Variants in CPNE9 observed in about 807,000 individuals in gnomAD.
CPNE9 encodes the protein copine-9.
In CPNE9, 59 loss-of-function variants were observed where a neutral mutation model predicts 83.0. That is an observed-to-expected ratio of 0.71 (90% CI 0.58 to 0.88). The LOEUF (loss-of-function observed/expected upper bound fraction) is 0.88. CPNE9 is among the 40% of genes least tolerant of loss of function. The pLI, the probability that CPNE9 is intolerant of heterozygous loss-of-function variation, is 0.00. For missense variants in CPNE9, 619 were observed against 720.8 expected (o/e 0.86, Z 1.62); for synonymous variants, 256 against 273.4 (o/e 0.94, Z 0.63).
Position 9,727,172 on chromosome 3 carries a change from C to A in CPNE9, c.1462C>A (p.Arg488=), listed in dbSNP as rs781590918. 2 of 1,614,110 alleles carry A rather than the reference C, an allele frequency of 1.2e-6. No homozygotes were observed. Among genetic ancestry groups the A allele is most frequent in the Non-Finnish European group, 1.7e-6 (2 of 1,180,012 alleles). Reference sequence around the variant, plus strand: ...GTCCTCTAGGGGACGCTACGCAGAGCGGGACATCGTTCAGGTAGACCTGAC... The same window carrying A: ...GTCCTCTAGGGGACGCTACGCAGAGAGGGACATCGTTCAGGTAGACCTGAC... ...RVSSRGRYAE[R]DIVQFVPFRD... The change falls in exon 20 of 21, where the codon CGG becomes AGG. Residue 488 remains arginine, a synonymous_variant. Transcript: ENST00000383832.
In CPNE9 at chr3:9,713,080, G is replaced by C. The variant is rs748990607; in HGVS notation, c.650+1G>C. 2 of 1,610,774 alleles carry C rather than the reference G, an allele frequency of 1.2e-6. No homozygotes were observed. The highest frequency in any genetic ancestry group is 1.1e-5 in the South Asian group (1 of 91,000). On this transcript the variant is annotated splice_donor_variant, in intron 10 of 20. Transcript: ENST00000383832. LOFTEE classifies it high-confidence loss of function. ...CTCTGTGCAATGGAGACTATGACAG[G>C]TTGGCTCCAGCATAAGCTGGGGAGT...
rs756254113 is a variant in CPNE9 at position 9,715,455 on chromosome 3, G to A, written c.769-18G>A. 1.1e-5 allele frequency: 17 copies of A among 1,613,486 alleles called. 1 individual carries two copies. The highest frequency in any genetic ancestry group is 7.7e-5 in the South Asian group (7 of 91,074). ...CCTTCCTTTGTTTCTCATCATCACT[G>A]TTACCTCCTCCCCTTAGGTTCTTAA... On this transcript the variant is annotated intron_variant, in intron 12 of 20. Transcript: ENST00000383832.
intron 20 of CPNE9, among the ~76,000 whole-genome samples, chr3:9,728,203 T>TG (rs1177268270): frequency 1.3e-5 from 2 of 152,208 alleles, no homozygotes; most frequent in African/African-American, 2.4e-5. Flanking sequence ...AGGTCAGGGA[T>TG]GGGCCCAAGC....
At chr3:9,719,950 C>T (rs927369747) in intron 17 of CPNE9, among the ~76,000 whole-genome samples, 1 of 151,698 alleles carries the variant, frequency 6.6e-6, no homozygotes, top group African/African-American at 2.4e-5. Context: ...GAGATCACAC[C>T]ACTGCACTCC....
intron 11 of CPNE9, 93 bp from the exon 12 acceptor site, chr3:9,715,196 T>A: frequency 1.5e-6 from 2 of 1,374,892 alleles, no homozygotes; most frequent in Non-Finnish European, 2.0e-6. Context: ...GCAGCCTAAG[T>A]AGGGGCTTAG....
At chr3:9,722,286 C>T (rs2076742145) in intron 17 of CPNE9, among the ~76,000 whole-genome samples, 1 of 151,840 alleles carries the variant, frequency 6.6e-6, no homozygotes, top group African/African-American at 2.4e-5. Flanking sequence ...TAAATTAGAT[C>T]ATGTATGTCA....
At position 9,705,766 on chromosome 3, in the gene CPNE9, T is replaced by C. The variant is rs771164883; in HGVS notation, c.300+46T>C. ...GCAGAGGTTGGGGGTGGGGGTGGTA[T>C]TGTGGAGAACAGGCTTGGACTGATG... On this transcript the variant is annotated intron_variant, in intron 6 of 20. Coordinates refer to ENST00000383832, the MANE Select transcript of CPNE9 (RefSeq NM_153635.3). 6.2e-6 allele frequency: 10 copies of C among 1,603,280 alleles called. No homozygotes were observed. In the East Asian group the frequency reaches 1.3e-4, roughly 21 times the overall value.
At chr3:9,715,105 C>A in intron 11 of CPNE9, 150 bp downstream of exon 11, 2 of 914,156 alleles carry the variant, frequency 2.2e-6, no homozygotes, top group Non-Finnish European at 3.4e-6. Flanking sequence ...CTGATCCCCC[C>A]AATTGTCTCT....
chr3:9,715,176 AGGCTGCCCTGC>A, intron 11 of CPNE9, 102 bp from the exon 12 acceptor site: 2 of 1,227,634 alleles, frequency 1.6e-6, no homozygotes, highest in South Asian at 2.6e-5. Flanking sequence ...CCCCAGCACT[AGGCTGCCCTGC>A]AGCCTAAGTA....
intron 17 of CPNE9, among the ~76,000 whole-genome samples, chr3:9,719,352 C>T (rs755161111): frequency 2.2e-4 from 33 of 152,062 alleles, no homozygotes; most frequent in Admixed American, 1.2e-3. Flanking sequence ...TACCCTAACC[C>T]CACTGCCTGA....
intron 18 of CPNE9, among the ~76,000 whole-genome samples, chr3:9,726,321 G>A (rs180959225): frequency 6.6e-6 from 1 of 152,288 alleles, no homozygotes; most frequent in East Asian, 1.9e-4. Flanking sequence ...ACTGTGGGTT[G>A]CGTTACAGAA....
At chr3:9,705,805 CA>C in intron 6 of CPNE9, 85 bp downstream of exon 6, 1 of 1,484,828 alleles carries the variant, frequency 6.7e-7, no homozygotes, top group Non-Finnish European at 9.3e-7. Flanking sequence ...CACTACAAGG[CA>C]GAGATTGCTC....
intron 4 of CPNE9, 129 bp from the exon 5 acceptor site, chr3:9,705,335 C>A: frequency 2.7e-6 from 2 of 733,830 alleles, no homozygotes; most frequent in Non-Finnish European, 4.7e-6. Context: ...AAAAGGAGAC[C>A]AAAGCTGAAT....
intron 7 of CPNE9, among the ~76,000 whole-genome samples, chr3:9,710,614 GA>G (rs2076617481): frequency 1.3e-5 from 2 of 152,232 alleles, no homozygotes; most frequent in African/African-American, 4.8e-5. Flanking sequence ...CATTTGAAAT[GA>G]GACAAGTTCG....
chr3:9,704,844 C>T lies in CPNE9; in HGVS notation c.157-47C>T. The T allele has an allele frequency of 2.5e-6, 4 of 1,603,154 alleles. No homozygotes were observed. Among genetic ancestry groups the T allele is most frequent in the Non-Finnish European group, 3.4e-6 (4 of 1,173,688 alleles). ...GCCCAGGGCGTCGCCCGGGAATTCC[C>T]CTGCCCGTCTGCACGTCCCACGCTG... On this transcript the variant is annotated intron_variant, in intron 3 of 20. Coordinates refer to ENST00000383832, the MANE Select transcript of CPNE9 (RefSeq NM_153635.3). The surrounding 1 kb of genome is among the most constrained non-coding windows in gnomAD (Gnocchi z 7.1).
At chr3:9,727,316 A>C in intron 20 of CPNE9, 130 bp downstream of exon 20, 93 of 996,488 alleles carry the variant, frequency 9.3e-5, no homozygotes, top group Non-Finnish European at 1.3e-4. Context: ...ATCCTTTCTC[A>C]TTCATTGAAT....
Position 9,704,978 on chromosome 3 carries a change from A to C in CPNE9, c.244A>C (p.Asn82His), listed in dbSNP as rs778381366. Residue 82 changes from asparagine (N) to histidine (H), a missense_variant, in exon 4 of 21, where the codon AAT becomes CAT. By Grantham distance (68) the Asn-to-His change is moderately conservative. Coordinates refer to ENST00000383832, the MANE Select transcript of CPNE9 (RefSeq NM_153635.3). The surrounding 1 kb of genome is among the most constrained non-coding windows in gnomAD (Gnocchi z 7.1). ...VLDYFFEEKQNLRFDVYNVDS... is the reference protein window; with the variant it reads ...VLDYFFEEKQHLRFDVYNVDS... ...CGACTATTTCTTTGAGGAAAAGCAA[A>C]ATCTGCGCTTCGATGTGTGAGGCCC... The C allele has an allele frequency of 1.9e-6, 3 of 1,611,634 alleles. No individual in the cohort carries two copies. The South Asian group carries it at 3.3e-5, about 18-fold the overall frequency.
intron 18 of CPNE9, 151 bp from the exon 19 acceptor site, chr3:9,726,514 T>G: frequency 1.6e-6 from 1 of 639,010 alleles, no homozygotes; most frequent in South Asian, 2.1e-5. Flanking sequence ...GAAACATCCT[T>G]GAAAAAGTAG....
In CPNE9 at chr3:9,705,418, C is replaced by CT. The variant is rs371534251; in HGVS notation, c.261-45dup. ...TCGGTGCCCGACCCCTTTCCACCCT[C>CT]TCCCCCACCCAGCCCCACCCCACAC... On this transcript the variant is annotated intron_variant, in intron 4 of 20. Coordinates refer to ENST00000383832, the MANE Select transcript of CPNE9 (RefSeq NM_153635.3). 762 of 713,242 alleles carry CT rather than the reference C, an allele frequency of 1.1e-3. 8 individuals are homozygous for CT. The African/African-American group carries it at 0.012, about 12-fold the overall frequency. 44.2% of individuals were successfully genotyped at this position (713,242 alleles called of 1,614,324 possible).
Sources: allele counts gnomAD v4.1 joint callset (sites outside exome capture counted in the v4.1 genomes callset), GRCh38; gene constraint gnomAD v4.1.1; non-coding constraint Gnocchi (gnomAD v3.1); transcripts MANE v1.5; gene names NCBI Gene and HGNC (gene_info 2026-07-23, HGNC 2026-07-21).